The following SAFB2 variants were observed in gnomAD, a reference collection of about 807,000 sequenced individuals.
SAFB2 encodes scaffold attachment factor B2.
SAFB2 carries 32 observed loss-of-function variants against 100.6 expected under a neutral mutation model. The observed-to-expected ratio is 0.32, with a 90% CI of 0.24 to 0.43. SAFB2 has a LOEUF of 0.43. Among genes scored for constraint, SAFB2 ranks in the 20% least tolerant of loss-of-function variants. The probability of loss-of-function intolerance (pLI) is 1.00; values close to 1 mark genes in which losing one functional copy is unlikely to be tolerated. For synonymous variants in SAFB2, 500 were observed against 439.4 expected (o/e 1.14, Z -1.72); for missense variants, 1,185 against 1,163.4 (o/e 1.02, Z -0.27).
chr19:5,609,891 G>A (rs761692611), intron 9 of SAFB2, 104 bp downstream of exon 9: 1 of 972,658 alleles, frequency 1.0e-6, no homozygotes, highest in Non-Finnish European at 1.6e-6. Flanking sequence ...TCCTGCCTCA[G>A]CCTCCCAAAC....
intron 2 of SAFB2, among the ~76,000 whole-genome samples, chr19:5,617,597 A>G (rs1350958531): frequency 6.6e-6 from 1 of 152,206 alleles, no homozygotes; most frequent in African/African-American, 2.4e-5. Context: ...GATATGGTTC[A>G]CAACCGGGGG....
At chr19:5,617,227 C>T (rs2053052402) in intron 2 of SAFB2, among the ~76,000 whole-genome samples, 1 of 152,076 alleles carries the variant, frequency 6.6e-6, no homozygotes, top group Non-Finnish European at 1.5e-5. Context: ...CCCTATATTC[C>T]ACCCATTTCA....
intron 4 of SAFB2, among the ~76,000 whole-genome samples, chr19:5,614,849 G>C (rs928453592): frequency 2.0e-5 from 3 of 152,190 alleles, no homozygotes; most frequent in African/African-American, 7.2e-5. Context: ...TCCTTTTGGG[G>C]AGCAGGGTTG....
intron 11 of SAFB2, among the ~76,000 whole-genome samples, chr19:5,601,104 G>A (rs542099090): frequency 6.0e-4 from 92 of 152,200 alleles, no homozygotes; most frequent in Non-Finnish European, 1.1e-3. Context: ...TGATTGCCCC[G>A]TCTCCTCTGC....
At chr19:5,615,213 G>T (rs1211067635) in intron 4 of SAFB2, among the ~76,000 whole-genome samples, 1 of 152,174 alleles carries the variant, frequency 6.6e-6, no homozygotes, top group Non-Finnish European at 1.5e-5. Context: ...AAATCAGCTG[G>T]GCGTGGTGGC....
chr19:5,590,415 G>A lies in SAFB2; in HGVS notation c.2395-7C>T, dbSNP rs1316142622. On this transcript the variant is annotated splice_polypyrimidine_tract_variant and splice_region_variant and intron_variant, in intron 17 of 20. Transcript: ENST00000252542. ...GGCGGTCATCTCCATAGTGCTGGAA[G>A]GCAGGAGAGGAACAGGGTGACACTG... 1 of 1,603,850 alleles carries A rather than the reference G, an allele frequency of 6.2e-7. No individual in the cohort carries two copies. Among genetic ancestry groups the A allele is most frequent in the East Asian group, 2.3e-5 (1 of 44,340 alleles).
intron 18 of SAFB2, among the ~76,000 whole-genome samples, chr19:5,589,687 G>GC (rs970503366): frequency 3.3e-5 from 5 of 152,132 alleles, no homozygotes; most frequent in African/African-American, 4.8e-5. Context: ...GACAAGCCCT[G>GC]CCCCCCACCA....
chr19:5,589,693 C>T (rs1028584489), intron 18 of SAFB2, among the ~76,000 whole-genome samples: 1 of 152,174 alleles, frequency 6.6e-6, no homozygotes, highest in East Asian at 1.9e-4. Context: ...CCCTGCCCCC[C>T]ACCAATGCTG....
Position 5,622,570 on chromosome 19 carries a change from G to A in SAFB2, c.146C>T (p.Thr49Met), listed in dbSNP as rs1257322509. ...CATCAGGACGCTCTTGTTGCCGCCC[G>A]TGTCCAGGTTCCGCTTCTTCAGCTC... Reference protein sequence around the residue: ...RAELKKRNLDTGGNKSVLMER... With the variant: ...RAELKKRNLDMGGNKSVLMER... Residue 49 changes from threonine to methionine, a missense_variant, in exon 1 of 21, where the codon ACG becomes ATG. Physicochemically the swap from Thr to Met is moderately conservative, Grantham distance 81 (BLOSUM62 -1). This residue lies in a region of SAFB2 where 351 missense variants were observed against 341.2 expected (regional missense o/e 1.03). Coordinates refer to ENST00000252542, the MANE Select transcript of SAFB2 (RefSeq NM_014649.3). 4.3e-6 allele frequency: 7 copies of A among 1,613,408 alleles called. No homozygotes were observed. Among genetic ancestry groups the A allele is most frequent in the Admixed American group, 1.7e-5 (1 of 59,998 alleles).
intron 17 of SAFB2, 120 bp downstream of exon 17, chr19:5,591,628 C>A: frequency 2.3e-6 from 2 of 876,494 alleles, no homozygotes; most frequent in Non-Finnish European, 1.8e-6. Flanking sequence ...GCATACCCGC[C>A]ACACGTGCTG....
chr19:5,619,799 C>G (rs912446632), intron 2 of SAFB2, among the ~76,000 whole-genome samples: 1 of 151,148 alleles, frequency 6.6e-6, no homozygotes, highest in Non-Finnish European at 1.5e-5. Flanking sequence ...GAGCCAAGAC[C>G]GCACCACTGC....
In SAFB2 at chr19:5,595,446, A is replaced by G. The variant is rs2052516277; in HGVS notation, c.1834T>C (p.Leu612=). 2 of 1,613,940 alleles carry G rather than the reference A, an allele frequency of 1.2e-6. No homozygotes were observed. Among genetic ancestry groups the G allele is most frequent in the Non-Finnish European group, 1.7e-6 (2 of 1,180,014 alleles). The change falls in exon 14 of 21, where the codon TTG becomes CTG. Residue 612 remains leucine (L), a synonymous_variant. Coordinates refer to ENST00000252542, the MANE Select transcript of SAFB2 (RefSeq NM_014649.3). The part of the protein sequence containing the change: ...KSESKEKRDI[L]SFDKIKEQRE... ...TGTTCTTTGATTTTATCAAACGACA[A>G]GATGTCTCTCTTTTCTTTGCTTTCT... is the stretch of plus-strand genomic sequence containing the variant.
intron 14 of SAFB2, 97 bp from the exon 15 acceptor site, chr19:5,594,275 A>T: frequency 1.4e-6 from 2 of 1,396,088 alleles, no homozygotes; most frequent in Non-Finnish European, 1.9e-6. Context: ...AGCAGAAAAA[A>T]AAAATGGATC....
intron 7 of SAFB2, chr19:5,610,894 G>T (rs935479388): frequency 8.8e-6 from 7 of 793,312 alleles, no homozygotes; most frequent in African/African-American, 1.8e-5. Context: ...TTTAGCTGAA[G>T]ATAACAATTA....
chr19:5,592,981 C>A, intron 15 of SAFB2, 94 bp from the exon 16 acceptor site: 1 of 1,162,406 alleles, frequency 8.6e-7, no homozygotes, highest in East Asian at 2.5e-5. Flanking sequence ...GAGCTCTCTC[C>A]CCAGACCCAG....
intron 2 of SAFB2, among the ~76,000 whole-genome samples, chr19:5,619,873 T>C (rs1013722530): frequency 4.0e-5 from 6 of 151,482 alleles, no homozygotes; most frequent in African/African-American, 1.5e-4. Context: ...CCCTGTTAAA[T>C]TCCTGCTAAA....
At chr19:5,588,834 A>G (rs1282216210) in intron 18 of SAFB2, 1 of 152,394 alleles carries the variant, frequency 6.6e-6, no homozygotes, top group East Asian at 1.9e-4. Flanking sequence ...CACTGACTGC[A>G]CACGTGAAAC....
At chr19:5,610,878 A>C in intron 7 of SAFB2, 190 bp from the exon 8 acceptor site, 1 of 780,396 alleles carries the variant, frequency 1.3e-6, no homozygotes, top group East Asian at 2.8e-5. Context: ...GTAAAAGTCA[A>C]TTCGATTTAG....
intron 16 of SAFB2, among the ~76,000 whole-genome samples, 186 bp downstream of exon 16, chr19:5,592,561 G>A (rs2052433397): frequency 6.6e-6 from 1 of 152,196 alleles, no homozygotes; most frequent in Non-Finnish European, 1.5e-5. Flanking sequence ...CTTCCTCTGA[G>A]GTAAGCTGGG....
Sources: allele counts gnomAD v4.1 joint callset (sites outside exome capture counted in the v4.1 genomes callset), GRCh38; gene constraint gnomAD v4.1.1; regional missense constraint gnomAD v4.1.1; transcripts MANE v1.5; gene names NCBI Gene and HGNC (gene_info 2026-07-23, HGNC 2026-07-21).